The following PANX2 variants were observed in gnomAD, a reference collection of about 807,000 sequenced individuals.
PANX2 encodes pannexin-2.
PANX2 carries 30 observed loss-of-function variants against 38.7 expected under a neutral mutation model. The ratio of observed to expected loss-of-function variants is 0.78; its 90% CI spans 0.58 to 1.05. The LOEUF (loss-of-function observed/expected upper bound fraction) is 1.05. Ranked by LOEUF, PANX2 falls within the 50% of genes least tolerant of loss-of-function variation. The pLI, the probability that PANX2 is intolerant of heterozygous loss-of-function variation, is 0.00. For synonymous variants in PANX2, 539 were observed against 472.1 expected (o/e 1.14, Z -1.84); for missense variants, 880 against 979.3 (o/e 0.90, Z 1.35).
intron 1 of PANX2, among the ~76,000 whole-genome samples, chr22:50,172,089 C>T (rs2063635435): frequency 6.6e-6 from 1 of 152,130 alleles, no homozygotes; most frequent in Non-Finnish European, 1.5e-5. Flanking sequence ...GGGGTGGGCA[C>T]ACAGCACACT....
At chr22:50,171,014 G>C (rs2063626821) in intron 1 of PANX2, 58 bp downstream of exon 1, 1 of 938,728 alleles carries the variant, frequency 1.1e-6, no homozygotes, top group Non-Finnish European at 1.5e-6. Context: ...CAGGTGTCCG[G>C]GAGCTGGCGC....
chr22:50,172,199 G>A (rs6010198), intron 1 of PANX2, among the ~76,000 whole-genome samples: 120,357 of 152,234 alleles, frequency 0.79, 48,314 homozygotes, highest in African/African-American at 0.94. Flanking sequence ...ACCAAGTACC[G>A]CAAACTAGGC....
In PANX2 at chr22:50,179,570, T is replaced by C. The variant is rs2063687531; in HGVS notation, c.*293T>C. The C allele has an allele frequency of 2.2e-6, 1 of 458,286 alleles. No homozygotes were observed. Among genetic ancestry groups the C allele is most frequent in the African/African-American group, 2.0e-5 (1 of 48,898 alleles). 28.4% of individuals were successfully genotyped at this position (458,286 alleles called of 1,614,324 possible). A position where few individuals can be genotyped will look rare whatever the true frequency, so the allele number is the denominator to read the frequency against. Reference sequence around the variant, plus strand: ...TGCTCCTGCATCAGGTGCCCAGCCGTGGGTGGGGGCCCTGAGGTGAAGAGT... The same window carrying C: ...TGCTCCTGCATCAGGTGCCCAGCCGCGGGTGGGGGCCCTGAGGTGAAGAGT... On this transcript the variant is annotated 3_prime_UTR_variant, in exon 3 of 3. Coordinates refer to ENST00000395842, the MANE Select transcript of PANX2 (RefSeq NM_052839.4).
At chr22:50,172,131 G>T (rs951699039) in intron 1 of PANX2, among the ~76,000 whole-genome samples, 4 of 152,122 alleles carry the variant, frequency 2.6e-5, no homozygotes. Context: ...CGTGCGGTGG[G>T]GCCTTGGGGC....
Position 50,179,465 on chromosome 22 carries a change from G to C in PANX2, c.*188G>C, listed in dbSNP as rs906827685. ...GCTCGACAGGGGAACCCGCCCGGAC[G>C]GCATCGCCAGGCACTGGCTGGGGTG... is the stretch of plus-strand genomic sequence containing the variant. On this transcript the variant is annotated 3_prime_UTR_variant, in exon 3 of 3. Coordinates refer to ENST00000395842, the MANE Select transcript of PANX2 (RefSeq NM_052839.4). 1.7e-6 allele frequency: 1 copy of C among 582,494 alleles called. No individual in the cohort carries two copies. Among genetic ancestry groups the C allele is most frequent in the Admixed American group, 3.3e-5 (1 of 30,518 alleles). 36.1% of individuals were successfully genotyped at this position (582,494 alleles called of 1,614,324 possible).
At chr22:50,174,123 C>T (rs1347476520) in intron 1 of PANX2, among the ~76,000 whole-genome samples, 1 of 152,154 alleles carries the variant, frequency 6.6e-6, no homozygotes. Flanking sequence ...TCTGGGGTGA[C>T]CAGACAGGGT....
Position 50,179,099 on chromosome 22 carries a change from G to A in PANX2, c.1856G>A (p.Arg619Gln). Reference protein sequence around the residue: ...GKAEPLTILSRNATHPLLHIN... With the variant: ...GKAEPLTILSQNATHPLLHIN... ...GCGGAGCCCCTCACCATCCTGAGCC[G>A]AAACGCCACACACCCGCTGCTGCAC... The change falls in exon 3 of 3, where the codon CGA becomes CAA. Residue 619 changes from arginine (R) to glutamine (Q), a missense_variant. By Grantham distance (43) the Arg-to-Gln change is conservative. This residue lies in a region of PANX2 where 445 missense variants were observed against 404.3 expected (regional missense o/e 1.10). Transcript: ENST00000395842. The A allele has an allele frequency of 4.3e-6, 7 of 1,611,690 alleles. No individual in the cohort carries two copies. The highest frequency in any genetic ancestry group is 4.2e-6 in the Non-Finnish European group (5 of 1,179,348).
intron 1 of PANX2, among the ~76,000 whole-genome samples, chr22:50,173,914 C>A (rs1395162466): frequency 6.6e-6 from 1 of 152,146 alleles, no homozygotes; most frequent in African/African-American, 2.4e-5. Flanking sequence ...CCACCAAGAC[C>A]CCCAGCCTAG....
chr22:50,175,367 G>C (rs886274445), intron 1 of PANX2: 1 of 835,966 alleles, frequency 1.2e-6, no homozygotes, highest in Non-Finnish European at 1.7e-6. Flanking sequence ...GCCCAGCAAG[G>C]GTGGCTGCCA....
At chr22:50,174,367 C>A (rs2063651196) in intron 1 of PANX2, among the ~76,000 whole-genome samples, 1 of 152,062 alleles carries the variant, frequency 6.6e-6, no homozygotes, top group Non-Finnish European at 1.5e-5. Flanking sequence ...GGGGGCTGGG[C>A]TTTAGCCTCG....
Position 50,170,876 on chromosome 22 carries a change from C to A in PANX2, c.146C>A (p.Pro49Gln). 1.3e-6 allele frequency: 2 copies of A among 1,521,192 alleles called. No individual in the cohort carries two copies. The highest frequency in any genetic ancestry group is 1.2e-5 in the South Asian group (1 of 81,666). The allele number at this position is 1,521,192 out of a possible 1,614,324, so 94.2% of individuals were successfully genotyped here. ...ALLLQLKLEL[P>Q]FDRVVTIGTV... ...CTTCTGCAGCTGAAGCTGGAGCTGC[C>A]GTTCGACCGGGTGGTCACCATCGGC... The change falls in exon 1 of 3, where the codon CCG becomes CAG. Residue 49 changes from proline to glutamine, a missense_variant. Coordinates refer to ENST00000395842, the MANE Select transcript of PANX2 (RefSeq NM_052839.4).
Position 50,177,528 on chromosome 22 carries a change from G to T in PANX2, c.816G>T (p.Gly272=). The change falls in exon 2 of 3, where the codon GGG becomes GGT. Residue 272 remains glycine (G), a synonymous_variant. Transcript: ENST00000395842. ...CCCCGGACGGGGCGGCAGGTGCGGG[G>T]CCCGCGGTGCGCGTGAGCTGCAAGC... ...GASPDGAAGA[G]PAVRVSCKLP... 6.2e-7 allele frequency: 1 copy of T among 1,610,066 alleles called. No individual in the cohort carries two copies.
chr22:50,174,573 G>A (rs937628662), intron 1 of PANX2, among the ~76,000 whole-genome samples: 1 of 152,112 alleles, frequency 6.6e-6, no homozygotes, highest in African/African-American at 2.4e-5. Context: ...AGCTGGCATG[G>A]CCAGGATCCA....
At chr22:50,174,885 G>A (rs75549088) in intron 1 of PANX2, among the ~76,000 whole-genome samples, 3,736 of 152,318 alleles carry the variant, frequency 0.025, 66 homozygotes, top group Non-Finnish European at 0.038. Context: ...GGAAAGGCCC[G>A]GCTGCCAGCA....
At position 50,179,032 on chromosome 22, in the gene PANX2, G is replaced by A. The variant is rs759648297; in HGVS notation, c.1789G>A (p.Ala597Thr). The change falls in exon 3 of 3, where the codon GCC becomes ACC. Residue 597 changes from alanine to threonine, a missense_variant. Transcript: ENST00000395842. ...GTTCCACGTCCGCTCACCTCCCGCC[G>A]CCCCTGCTGTGGCCCCTCTGACACC... ...GPFHVRSPPAAPAVAPLTPAS... is the reference protein window; with the variant it reads ...GPFHVRSPPATPAVAPLTPAS... 1.2e-6 allele frequency: 2 copies of A among 1,610,494 alleles called. No individual in the cohort carries two copies. The highest frequency in any genetic ancestry group is 1.1e-5 in the South Asian group (1 of 90,824).
intron 2 of PANX2, 150 bp downstream of exon 2, chr22:50,178,552 G>C: frequency 1.8e-6 from 1 of 566,030 alleles, no homozygotes; most frequent in Non-Finnish European, 2.9e-6. Context: ...AGGAGGCCGA[G>C]GTTTGAACCG....
Position 50,178,431 on chromosome 22 carries a change from G to C in PANX2, c.1690+29G>C, listed in dbSNP as rs559771289. On this transcript the variant is annotated intron_variant, in intron 2 of 2. Transcript: ENST00000395842. The stretch of plus-strand genomic sequence containing the variant: ...GGGGCAGGGCCGGAGAGAGGGGACG[G>C]GGGACTGGGGGTGGGAGAGGCGCCC... The C allele has an allele frequency of 3.7e-4, 497 of 1,353,258 alleles. 3 individuals carry two copies. In the South Asian group the frequency reaches 7.6e-3, roughly 21 times the overall value. 83.8% of individuals were successfully genotyped at this position (1,353,258 alleles called of 1,614,324 possible).
In PANX2 at chr22:50,173,093, TTGC is replaced by T. The variant is rs2063642157; in HGVS notation, c.226+2138_226+2140del. Among the ~76,000 whole-genome samples the T allele has an allele frequency of 5.3e-5, 8 of 152,304 alleles. No individual in the cohort carries two copies. The South Asian group carries it at 1.7e-3, about 32-fold the overall frequency. ...TTGTATTTTTAGTAGAGACGGGGTT[TTGC>T]CATGTTGGCCAGGATGGTCTCGATC... On this transcript the variant is annotated intron_variant, in intron 1 of 2. Transcript: ENST00000395842.
chr22:50,171,863 C>A (rs1000649887), intron 1 of PANX2, among the ~76,000 whole-genome samples: 1 of 142,344 alleles, frequency 7.0e-6, no homozygotes, highest in Non-Finnish European at 1.6e-5. Context: ...GGGGCCCTCT[C>A]TTCTGCAGCC....
Sources: gnomAD v4.1 joint callset for allele counts (sites outside exome capture counted in the v4.1 genomes callset) on GRCh38, gnomAD v4.1.1 for gene constraint, gnomAD v4.1.1 regional missense constraint, MANE v1.5 for transcripts, NCBI Gene and HGNC (gene_info 2026-07-23, HGNC 2026-07-21) for gene names.